Variants in PIK3C2G observed in about 807,000 individuals in gnomAD.
PIK3C2G encodes the protein phosphatidylinositol 3-kinase C2 domain-containing subunit gamma.
A neutral mutation model predicts 181.1 loss-of-function variants in PIK3C2G; 168 were observed. The ratio of observed to expected loss-of-function variants is 0.93; its 90% CI spans 0.82 to 1.05. PIK3C2G has a LOEUF of 1.05. PIK3C2G is among the 50% of genes least tolerant of loss of function. The pLI is 0.00. For missense variants in PIK3C2G, 1,869 were observed against 1,732.8 expected (o/e 1.08, Z -1.40); for synonymous variants, 573 against 592.2 (o/e 0.97, Z 0.47).
chr12:18,705,385 T>C, the PIK3C2G span: 14 of 1,551,918 alleles, frequency 9.0e-6, no homozygotes, highest in Non-Finnish European at 1.1e-5. Context: ...TTAATATAAG[T>C]GCTTAATGTA....
At position 18,465,090 on chromosome 12, in the gene PIK3C2G, A is replaced by T. The variant is rs547875349; in HGVS notation, c.2505-23359A>T. On this transcript the variant is annotated intron_variant, in intron 18 of 32. Transcript: ENST00000538779. The stretch of plus-strand genomic sequence containing the variant: ...ATTTATCAGAATCTAATACTGAAAA[A>T]TAAGAAACTTTCTTCACCTAGTCAT... Among the ~76,000 whole-genome samples the T allele has an allele frequency of 7.9e-5, 12 of 152,122 alleles. No homozygotes were observed. The East Asian group carries it at 2.3e-3, about 29-fold the overall frequency.
intron 25 of PIK3C2G, 40 bp downstream of exon 25, chr12:18,538,352 C>T (rs199768602): frequency 1.3e-6 from 2 of 1,540,192 alleles, no homozygotes; most frequent in African/African-American, 1.4e-5. Flanking sequence ...TAATAAGCTT[C>T]ATTTATGCCT....
the PIK3C2G span, chr12:18,693,579 G>A: frequency 1.3e-3 from 2,023 of 1,596,738 alleles, 24 homozygotes; most frequent in African/African-American, 0.024. Context: ...AAACTCGGAC[G>A]GGAATTGTTT....
At chr12:18,614,925 G>A (rs1948522264) in intron 31 of PIK3C2G, among the ~76,000 whole-genome samples, 1 of 151,940 alleles carries the variant, frequency 6.6e-6, no homozygotes, top group Non-Finnish European at 1.5e-5. Flanking sequence ...CCATCATCAA[G>A]TAATTCCTGA....
rs1948233569 is a variant in PIK3C2G, at chr12:18,609,637, T to C, written c.4182+8T>C. Reference sequence around the variant, plus strand: ...AAACACATGAAAAACATTGTAAGTTTATTATGTATAATAAGAAACATGTAA... The same window carrying C: ...AAACACATGAAAAACATTGTAAGTTCATTATGTATAATAAGAAACATGTAA... On this transcript the variant is annotated splice_region_variant and intron_variant, in intron 31 of 32. Transcript: ENST00000538779. The C allele has an allele frequency of 6.7e-7, 1 of 1,488,160 alleles. No homozygotes were observed. The highest frequency in any genetic ancestry group is 9.2e-7 in the Non-Finnish European group (1 of 1,086,874). 92.2% of individuals were successfully genotyped at this position (1,488,160 alleles called of 1,614,324 possible). A position where few individuals can be genotyped will look rare whatever the true frequency, so the allele number is the denominator to read the frequency against.
chr12:18,283,333 A>G (rs1459755637), intron 2 of PIK3C2G, among the ~76,000 whole-genome samples: 2 of 152,114 alleles, frequency 1.3e-5, no homozygotes, highest in African/African-American at 2.4e-5. Flanking sequence ...TTTAGTAACC[A>G]GAGTTTTTTC....
At chr12:18,245,758 T>C (rs1948033194), upstream of PIK3C2G, among the ~76,000 whole-genome samples, 1 of 152,136 alleles carries the variant, frequency 6.6e-6, no homozygotes, top group Non-Finnish European at 1.5e-5. Flanking sequence ...TGCTCAAAAA[T>C]TTTCACTGTT....
chr12:18,594,552 C>T lies in PIK3C2G; in HGVS notation c.4070C>T (p.Ser1357Leu), dbSNP rs1456081050. The change falls in exon 30 of 33, where the codon TCA becomes TTA. Residue 1357 changes from serine to leucine, a missense_variant. Coordinates refer to ENST00000538779, the MANE Select transcript of PIK3C2G (RefSeq NM_001288772.2). ...GCTGTGCAACAAACAGTTGAAGAAT[C>T]ATCACCTGTGTACCTAGGTAAGTAA... is the stretch of plus-strand genomic sequence containing the variant. ...SEAVQQTVEESSPVYLGEKFP... is the reference protein window; with the variant it reads ...SEAVQQTVEELSPVYLGEKFP... 5 of 1,544,310 alleles carry T rather than the reference C, an allele frequency of 3.2e-6. No homozygotes were observed. Among genetic ancestry groups the T allele is most frequent in the Non-Finnish European group, 4.4e-6 (5 of 1,147,544 alleles).
At chr12:18,526,099 A>G (rs1248008271) in intron 24 of PIK3C2G, among the ~76,000 whole-genome samples, 2 of 152,144 alleles carry the variant, frequency 1.3e-5, no homozygotes, top group Non-Finnish European at 1.5e-5. Flanking sequence ...TGAGTATTAC[A>G]GTACTTATAT....
At chr12:18,291,891 CAAAAA>C (rs201787425) in intron 4 of PIK3C2G, among the ~76,000 whole-genome samples, 1 of 112,336 alleles carries the variant, frequency 8.9e-6, no homozygotes. Flanking sequence ...CTAGCTTAAG[CAAAAA>C]AAAAAAAAAA....
intron 10 of PIK3C2G, among the ~76,000 whole-genome samples, chr12:18,343,840 G>A (rs1939386685): frequency 6.6e-6 from 1 of 152,086 alleles, no homozygotes; most frequent in South Asian, 2.1e-4. Flanking sequence ...AATAATTAGT[G>A]TTTACAGAGG....
intron 29 of PIK3C2G, among the ~76,000 whole-genome samples, chr12:18,589,474 T>C (rs929012160): frequency 4.6e-5 from 7 of 151,982 alleles, no homozygotes; most frequent in South Asian, 4.1e-4. Context: ...AGCATCTTTA[T>C]GAATTCCAGT....
chr12:18,559,811 TATATATATATAGAGAGAG>T (rs1163523028), intron 26 of PIK3C2G, among the ~76,000 whole-genome samples: 47 of 32,526 alleles, frequency 1.4e-3, no homozygotes, highest in African/African-American at 3.5e-3. Context: ...TATATATATA[TATATATATATAGAGAGAG>T]AGAGAGAGAG....
chr12:18,701,695 G>T, the PIK3C2G span: 7 of 1,606,930 alleles, frequency 4.4e-6, no homozygotes, highest in South Asian at 2.2e-5. Flanking sequence ...ACCTTACCAC[G>T]CTTATCAGAA....
At chr12:18,621,988 AT>A (rs922824937) in intron 31 of PIK3C2G, among the ~76,000 whole-genome samples, 5 of 151,876 alleles carry the variant, frequency 3.3e-5, no homozygotes, top group African/African-American at 7.2e-5. Flanking sequence ...TGATATTATG[AT>A]TTTTTAATAC....
intron 20 of PIK3C2G, among the ~76,000 whole-genome samples, chr12:18,495,065 G>A (rs1940892718): frequency 6.6e-6 from 1 of 152,020 alleles, no homozygotes; most frequent in Non-Finnish European, 1.5e-5. Context: ...GATTTGTGTT[G>A]ATAGGTCAGT....
At chr12:18,311,108 G>GA (rs1299185681) in intron 5 of PIK3C2G, among the ~76,000 whole-genome samples, 1 of 151,656 alleles carries the variant, frequency 6.6e-6, no homozygotes, top group South Asian at 2.1e-4. Context: ...AATGTAATTT[G>GA]AAAAAAATCA....
chr12:18,649,789 C>G (rs911257060), downstream of PIK3C2G, among the ~76,000 whole-genome samples: 3 of 152,244 alleles, frequency 2.0e-5, no homozygotes, highest in African/African-American at 7.2e-5. Context: ...ACTCTATCTT[C>G]CTGGATATAT....
At chr12:18,448,093 TCTCA>T (rs1327739258) in intron 18 of PIK3C2G, among the ~76,000 whole-genome samples, 1 of 152,080 alleles carries the variant, frequency 6.6e-6, no homozygotes, top group Non-Finnish European at 1.5e-5. Flanking sequence ...ATAACATAAC[TCTCA>T]CTAAGTAGTA....
Sources: allele counts gnomAD v4.1 joint callset (sites outside exome capture counted in the v4.1 genomes callset), GRCh38; gene constraint gnomAD v4.1.1; transcripts MANE v1.5; gene names NCBI Gene and HGNC (gene_info 2026-07-23, HGNC 2026-07-21).